The following EP400 variants were observed in gnomAD, a reference collection of about 807,000 sequenced individuals.
The protein encoded by EP400 is E1A-binding protein p400.
Under a neutral mutation model 354.1 loss-of-function variants are expected in EP400, and 105 were observed. The observed-to-expected ratio is 0.30, with a 90% CI of 0.25 to 0.35. The LOEUF is 0.35. Among genes scored for constraint, EP400 ranks in the 10% least tolerant of loss-of-function variants. The pLI is 1.00. For synonymous variants in EP400, 1,646 were observed against 1,716.9 expected (o/e 0.96, Z 1.02); for missense variants, 3,280 against 4,121.0 (o/e 0.80, Z 5.59).
chr12:131,966,471 G>A (rs929479224), intron 2 of EP400, among the ~76,000 whole-genome samples: 1 of 148,162 alleles, frequency 6.7e-6, no homozygotes, highest in African/African-American at 2.5e-5. Flanking sequence ...CAGGAGGCAC[G>A]AGAATTGCTT....
intron 2 of EP400, among the ~76,000 whole-genome samples, chr12:131,974,846 C>T (rs1225666036): frequency 3.3e-5 from 5 of 151,666 alleles, no homozygotes; most frequent in African/African-American, 4.8e-5. Context: ...AAAAATTAGC[C>T]GGGCTTGGTG....
At position 132,038,526 on chromosome 12, in the gene EP400, T is replaced by C. The variant is rs1202690985; in HGVS notation, c.6207+430T>C. ...GTGCTGAGTGTAAGGTGCTGGTTGA[T>C]TGCAAAGACTGAGTATAAGAAAGAA... On this transcript the variant is annotated intron_variant, in intron 32 of 52. Transcript: ENST00000389561. This position sits in a 1 kb window ranked among gnomAD's most constrained non-coding sequence, Gnocchi z 4.2. Among the ~76,000 whole-genome samples the C allele has an allele frequency of 6.6e-6, 1 of 152,214 alleles. No homozygotes were observed.
intron 2 of EP400, among the ~76,000 whole-genome samples, chr12:131,966,190 G>A (rs1472420103): frequency 6.6e-6 from 1 of 152,034 alleles, no homozygotes; most frequent in Non-Finnish European, 1.5e-5. Context: ...AGAAATTTAA[G>A]ACCAACCTGG....
intron 1 of EP400, among the ~76,000 whole-genome samples, chr12:131,953,791 A>G (rs928084696): frequency 6.6e-6 from 1 of 152,126 alleles, no homozygotes; most frequent in African/African-American, 2.4e-5. Context: ...TATTATGAAA[A>G]ATTTCAAAGA....
chr12:132,014,986 C>G (rs1893881009), intron 19 of EP400, among the ~76,000 whole-genome samples: 1 of 152,216 alleles, frequency 6.6e-6, no homozygotes, highest in Non-Finnish European at 1.5e-5. Flanking sequence ...TGTGCCTCAT[C>G]CTCTGCTCTG....
intron 12 of EP400, among the ~76,000 whole-genome samples, chr12:132,000,090 G>T (rs544699931): frequency 4.0e-5 from 6 of 151,002 alleles, no homozygotes; most frequent in Admixed American, 6.6e-5. Flanking sequence ...TGGATGACTA[G>T]CTTCCTAATT....
At chr12:132,061,431 CTA>C (rs1341637795) in intron 45 of EP400, among the ~76,000 whole-genome samples, 3 of 152,230 alleles carry the variant, frequency 2.0e-5, no homozygotes, top group African/African-American at 7.2e-5. Flanking sequence ...TCAAGAGAAA[CTA>C]AAAATACACT....
chr12:131,960,624 A>AC lies in EP400; in HGVS notation c.7dup (p.His3ProfsTer24). The AC allele has an allele frequency of 6.3e-7, 1 of 1,586,360 alleles. No individual in the cohort carries two copies. The highest frequency in any genetic ancestry group is 8.6e-7 in the Non-Finnish European group (1 of 1,167,022). On this transcript the variant is annotated frameshift_variant, in exon 2 of 53. Transcript: ENST00000389561. LOFTEE classifies it high-confidence loss of function. ...GGATACAGAAGGGAGGTGATCATGC[A>AC]CCATGGCACTGGCCCCCAGAACGTC...
chr12:131,995,044 C>T (rs1048814569), intron 12 of EP400, 88 bp downstream of exon 12: 17 of 1,259,146 alleles, frequency 1.4e-5, no homozygotes, highest in Non-Finnish European at 1.8e-5. Flanking sequence ...TATTGAGTAA[C>T]AACAGCAGCA....
At chr12:132,051,925 C>T (rs994412667) in intron 41 of EP400, among the ~76,000 whole-genome samples, 8 of 152,160 alleles carry the variant, frequency 5.3e-5, no homozygotes, top group African/African-American at 1.9e-4. Context: ...CAGACGCTGG[C>T]GTTACCGCTA....
rs1370130744 is a variant in EP400, at chr12:131,994,749, TCA to T, written c.2738-117_2738-116del. On this transcript the variant is annotated intron_variant, in intron 11 of 52. Transcript: ENST00000389561. The surrounding 1 kb of genome is among the most constrained non-coding windows in gnomAD (Gnocchi z 4.6). ...AATTTAACCTGAGAAGTTTAAAAGC[TCA>T]GTTTCAATTTCTGTAATAGCTATGC... 1.3e-6 allele frequency: 1 copy of T among 743,950 alleles called. No homozygotes were observed. The highest frequency in any genetic ancestry group is 2.2e-6 in the Non-Finnish European group (1 of 462,168). The allele number at this position is 743,950 out of a possible 1,614,324, so 46.1% of individuals were successfully genotyped here.
rs902272276 is a variant in EP400, at chr12:132,018,031, C to A, written c.4111-179C>A. 1.3e-5 allele frequency among the ~76,000 whole-genome samples: 2 copies of A among 152,236 alleles called. No individual in the cohort carries two copies. Among genetic ancestry groups the A allele is most frequent in the South Asian group, 4.1e-4 (2 of 4,826 alleles). ...GCATGCACGCTCATCAGCAGAGCTT[C>A]ACCAAGGGTGTGGCAGCACCTGTGT... On this transcript the variant is annotated intron_variant, in intron 20 of 52. Transcript: ENST00000389561. This position sits in a 1 kb window ranked among gnomAD's most constrained non-coding sequence, Gnocchi z 4.0.
chr12:131,995,772 C>CA (rs1593334078), intron 12 of EP400, among the ~76,000 whole-genome samples: 1 of 125,872 alleles, frequency 7.9e-6, no homozygotes, highest in East Asian at 2.0e-4. Context: ...ACTGAATGTA[C>CA]CGTTCATCTT....
intron 1 of EP400, among the ~76,000 whole-genome samples, chr12:131,958,300 G>T (rs1206458382): frequency 2.6e-5 from 4 of 152,126 alleles, no homozygotes. Context: ...GGTGGGAGGG[G>T]CATGCTCTTG....
intron 3 of EP400, among the ~76,000 whole-genome samples, 179 bp downstream of exon 3, chr12:131,979,972 C>T (rs905290538): frequency 2.0e-5 from 3 of 152,160 alleles, no homozygotes; most frequent in African/African-American, 7.2e-5. Context: ...TTTCTGTGTC[C>T]TGAAGTGAGG....
In EP400 at chr12:132,076,507, T is replaced by C; in HGVS notation, c.9022-9T>C. On this transcript the variant is annotated splice_polypyrimidine_tract_variant and intron_variant, in intron 51 of 52. Coordinates refer to ENST00000389561, the MANE Select transcript of EP400 (RefSeq NM_015409.5). ...AATTGTATGTTTGGCTTTTTTTGTT[T>C]TGTCAAAGGTTGCAAAACTTCCTCA... is the stretch of plus-strand genomic sequence containing the variant. 1.9e-6 allele frequency: 3 copies of C among 1,614,160 alleles called. No homozygotes were observed. Among genetic ancestry groups the C allele is most frequent in the Non-Finnish European group, 2.5e-6 (3 of 1,180,024 alleles).
In EP400 at chr12:132,025,956, G is replaced by A; in HGVS notation, c.5014+152G>A. The A allele has an allele frequency of 1.0e-6, 1 of 954,482 alleles. No homozygotes were observed. Among genetic ancestry groups the A allele is most frequent in the Non-Finnish European group, 1.4e-6 (1 of 704,288 alleles). The allele number at this position is 954,482 out of a possible 1,614,324, so 59.1% of individuals were successfully genotyped here. A position where few individuals can be genotyped will look rare whatever the true frequency, so the allele number is the denominator to read the frequency against. On this transcript the variant is annotated intron_variant, in intron 25 of 52. Coordinates refer to ENST00000389561, the MANE Select transcript of EP400 (RefSeq NM_015409.5). This position sits in a 1 kb window ranked among gnomAD's most constrained non-coding sequence, Gnocchi z 4.1. ...CTCTGATTTCTATAGATGTGTCCTAGTGTCAGCCTGATTTATTTTCTTTTT... is the reference window on the plus strand; with the variant it reads ...CTCTGATTTCTATAGATGTGTCCTAATGTCAGCCTGATTTATTTTCTTTTT...
At chr12:131,960,449 T>G in intron 1 of EP400, 136 bp from the exon 2 acceptor site, 1 of 900,624 alleles carries the variant, frequency 1.1e-6, no homozygotes, top group Non-Finnish European at 1.7e-6. Context: ...TGTGCCATAT[T>G]GAATGTGAGT....
intron 45 of EP400, among the ~76,000 whole-genome samples, chr12:132,060,163 C>A (rs1385443696): frequency 6.6e-6 from 1 of 151,846 alleles, no homozygotes; most frequent in Non-Finnish European, 1.5e-5. Flanking sequence ...GGGAAACAAC[C>A]CAAACTTAAG....
Sources: gnomAD v4.1 joint callset for allele counts (sites outside exome capture counted in the v4.1 genomes callset) on GRCh38, gnomAD v4.1.1 for gene constraint, Gnocchi (gnomAD v3.1) non-coding constraint, MANE v1.5 for transcripts, NCBI Gene and HGNC (gene_info 2026-07-23, HGNC 2026-07-21) for gene names.